The following EPHA5 variants were observed in gnomAD, a reference collection of about 807,000 sequenced individuals.
The protein encoded by EPHA5 is ephrin type-A receptor 5.
In EPHA5, 60 loss-of-function variants were observed where a neutral mutation model predicts 105.0. The ratio of observed to expected loss-of-function variants is 0.57; its 90% CI spans 0.46 to 0.71. EPHA5 has a LOEUF of 0.71. EPHA5 is among the 30% of genes least tolerant of loss of function. The probability of loss-of-function intolerance (pLI) is 0.00; values close to 1 mark genes in which losing one functional copy is unlikely to be tolerated. For missense variants in EPHA5, 1,218 were observed against 1,274.7 expected (o/e 0.96, Z 0.68); for synonymous variants, 513 against 449.1 (o/e 1.14, Z -1.80).
chr4:65,365,321 A>G, intron 10 of EPHA5, 119 bp from the exon 11 acceptor site: 1 of 818,062 alleles, frequency 1.2e-6, no homozygotes, highest in Non-Finnish European at 1.9e-6. Context: ...AAACAAACAA[A>G]CAAACAAACA....
chr4:65,550,401 A>G (rs1387652173), intron 3 of EPHA5, among the ~76,000 whole-genome samples: 1 of 152,160 alleles, frequency 6.6e-6, no homozygotes. Flanking sequence ...TGTGTATTTT[A>G]CTAATATTTC....
At chr4:65,331,672 A>C (rs1332835081) in intron 16 of EPHA5, 4 of 1,122,746 alleles carry the variant, frequency 3.6e-6, no homozygotes, top group Non-Finnish European at 4.4e-6. Context: ...AGTATAAAAA[A>C]ACTTGTCAAG....
intron 3 of EPHA5, among the ~76,000 whole-genome samples, chr4:65,502,415 A>AT (rs139265589): frequency 0.12 from 17,588 of 151,664 alleles, 1,276 homozygotes; most frequent in Middle Eastern, 0.26. Context: ...GCAAAAAAAA[A>AT]ATATATAGCC....
chr4:65,640,062 T>C (rs761313155), intron 2 of EPHA5, among the ~76,000 whole-genome samples: 5 of 152,262 alleles, frequency 3.3e-5, no homozygotes, highest in South Asian at 4.1e-4. Flanking sequence ...AGTCTAATAA[T>C]TGTGTTTGTT....
At chr4:65,411,292 T>C (rs1722885003) in intron 7 of EPHA5, among the ~76,000 whole-genome samples, 3 of 152,044 alleles carry the variant, frequency 2.0e-5, no homozygotes, top group Non-Finnish European at 2.9e-5. Context: ...TAGGGCTATA[T>C]TTTGACTTAC....
chr4:65,430,141 T>C (rs1424468091), intron 5 of EPHA5, among the ~76,000 whole-genome samples: 1 of 152,050 alleles, frequency 6.6e-6, no homozygotes, highest in African/African-American at 2.4e-5. Flanking sequence ...GTGGGAAATA[T>C]CTGCTGCTCA....
intron 2 of EPHA5, among the ~76,000 whole-genome samples, chr4:65,620,422 A>G (rs1293843482): frequency 6.6e-6 from 1 of 152,054 alleles, no homozygotes; most frequent in African/African-American, 2.4e-5. Context: ...AATCCAATAA[A>G]TGTGATGACA....
At chr4:65,641,233 C>A (rs901218497) in intron 2 of EPHA5, among the ~76,000 whole-genome samples, 2 of 152,124 alleles carry the variant, frequency 1.3e-5, no homozygotes, top group African/African-American at 4.8e-5. Flanking sequence ...TACCTCAGAG[C>A]TAGAGAGGCA....
intron 5 of EPHA5, among the ~76,000 whole-genome samples, chr4:65,465,497 A>G (rs1728566402): frequency 8.4e-6 from 1 of 119,656 alleles, no homozygotes; most frequent in African/African-American, 3.0e-5. Context: ...GAAAGAAAGA[A>G]AGAAAGAAAG....
chr4:65,361,581 C>G (rs1008615436), intron 11 of EPHA5, among the ~76,000 whole-genome samples: 1 of 151,038 alleles, frequency 6.6e-6, no homozygotes, highest in Non-Finnish European at 1.5e-5. Context: ...ATAATAAGAC[C>G]CTGTATAAAG....
chr4:65,348,005 G>C (rs2148841056), intron 14 of EPHA5, 49 bp downstream of exon 14: 1 of 1,496,922 alleles, frequency 6.7e-7, no homozygotes, highest in Non-Finnish European at 8.9e-7. Context: ...TTGACTCAGA[G>C]AACAAAGCAT....
chr4:65,348,813 ATATT>A (rs1722531742), intron 13 of EPHA5, among the ~76,000 whole-genome samples: 1 of 41,330 alleles, frequency 2.4e-5, no homozygotes, highest in African/African-American at 8.1e-5. Context: ...ATATATATAT[ATATT>A]TTTTTTTTTT....
chr4:65,568,184 TTTTAA>T (rs1375104013), intron 3 of EPHA5, among the ~76,000 whole-genome samples: 7 of 151,504 alleles, frequency 4.6e-5, no homozygotes, highest in Non-Finnish European at 1.0e-4. Flanking sequence ...TTCAAACAAC[TTTTAA>T]TTTTTATTAA....
intron 3 of EPHA5, among the ~76,000 whole-genome samples, chr4:65,526,197 C>T (rs1306102726): frequency 6.6e-6 from 1 of 151,942 alleles, no homozygotes; most frequent in East Asian, 1.9e-4. Context: ...ATTGATACTA[C>T]ATGGATATAA....
intron 3 of EPHA5, among the ~76,000 whole-genome samples, chr4:65,551,980 A>C (rs1737964534): frequency 6.6e-6 from 1 of 152,168 alleles, no homozygotes; most frequent in African/African-American, 2.4e-5. Flanking sequence ...CGAAAATACA[A>C]AACACTGTAA....
intron 2 of EPHA5, among the ~76,000 whole-genome samples, chr4:65,616,880 A>G (rs986849209): frequency 2.6e-5 from 4 of 152,114 alleles, no homozygotes; most frequent in Admixed American, 1.3e-4. Flanking sequence ...GGAAACAACA[A>G]TGAAGCTCTT....
intron 12 of EPHA5, among the ~76,000 whole-genome samples, 183 bp from the exon 13 acceptor site, chr4:65,351,781 C>T (rs1443725134): frequency 6.6e-6 from 1 of 151,948 alleles, no homozygotes; most frequent in Admixed American, 6.6e-5. Flanking sequence ...TTTATTTTTC[C>T]TCTGCTTGGT....
chr4:65,639,811 A>G (rs546823196), intron 2 of EPHA5, among the ~76,000 whole-genome samples: 32 of 151,444 alleles, frequency 2.1e-4, no homozygotes, highest in African/African-American at 6.7e-4. Flanking sequence ...CAGTTGTCCT[A>G]TCTTCAAGTG....
intron 5 of EPHA5, among the ~76,000 whole-genome samples, chr4:65,430,785 C>T (rs972331134): frequency 6.6e-6 from 1 of 151,996 alleles, no homozygotes; most frequent in African/African-American, 2.4e-5. Flanking sequence ...AATATGTCAT[C>T]GCACATACAA....
Sources: allele counts gnomAD v4.1 joint callset (sites outside exome capture counted in the v4.1 genomes callset), GRCh38; gene constraint gnomAD v4.1.1; transcripts MANE v1.5; gene names NCBI Gene and HGNC (gene_info 2026-07-23, HGNC 2026-07-21).